The following PTCD3 variants were observed in gnomAD, a reference collection of about 807,000 sequenced individuals.
The protein encoded by PTCD3 is pentatricopeptide repeat domain 3.
PTCD3 carries 89 observed loss-of-function variants against 101.9 expected under a neutral mutation model. The observed-to-expected ratio is 0.87, with a 90% CI of 0.74 to 1.04. PTCD3 has a LOEUF of 1.04. PTCD3 is among the 50% of genes least tolerant of loss of function. The pLI, the probability that PTCD3 is intolerant of heterozygous loss-of-function variation, is 0.00. For synonymous variants in PTCD3, 296 were observed against 278.5 expected, an observed-to-expected ratio of 1.06 and a Z score of -0.63; for missense variants, 870 against 828.2, an observed-to-expected ratio of 1.05 and a Z score of -0.62.
Position 86,124,066 on chromosome 2 carries a change from A to T in PTCD3, c.716+304A>T, listed in dbSNP as rs1449608479. Among the ~76,000 whole-genome samples, 7 of 152,294 alleles carry T rather than the reference A, an allele frequency of 4.6e-5. No individual in the cohort carries two copies. In the South Asian group the frequency reaches 1.5e-3, roughly 32 times the overall value. On this transcript the variant is annotated intron_variant, in intron 9 of 23. Coordinates refer to ENST00000254630, the MANE Select transcript of PTCD3 (RefSeq NM_017952.6). ...AGTTTCATTAACAGTGCTACCTTGG[A>T]ATATATACCTCTAATTCTGAAAGAT...
intron 13 of PTCD3, 100 bp from the exon 14 acceptor site, chr2:86,127,840 TA>T: frequency 1.0e-6 from 1 of 967,022 alleles, no homozygotes; most frequent in East Asian, 2.4e-5. Context: ...GCTTAAATAT[TA>T]ACAATATGTT....
Position 86,111,165 on chromosome 2 carries a change from A to T in PTCD3, c.240+7A>T. The T allele has an allele frequency of 6.2e-7, 1 of 1,611,294 alleles. No individual in the cohort carries two copies. The highest frequency in any genetic ancestry group is 8.5e-7 in the Non-Finnish European group (1 of 1,177,892). ...TGCATCCACAGTAAACAGGGTAAGTAGGATTTTGTGTTTTTTTTTAACCTA... is the reference window on the plus strand; with the variant it reads ...TGCATCCACAGTAAACAGGGTAAGTTGGATTTTGTGTTTTTTTTTAACCTA... On this transcript the variant is annotated splice_region_variant and intron_variant, in intron 4 of 23. Coordinates refer to ENST00000254630, the MANE Select transcript of PTCD3 (RefSeq NM_017952.6).
chr2:86,106,541 G>C (rs946020842), intron 1 of PTCD3, among the ~76,000 whole-genome samples, 190 bp downstream of exon 1: 2 of 152,222 alleles, frequency 1.3e-5, no homozygotes, highest in African/African-American at 2.4e-5. Context: ...TTATTCATTA[G>C]AGAAATACTT....
chr2:86,128,592 C>T (rs901573194), intron 14 of PTCD3, among the ~76,000 whole-genome samples: 1 of 152,156 alleles, frequency 6.6e-6, no homozygotes, highest in African/African-American at 2.4e-5. Flanking sequence ...CAGAACATTT[C>T]CATCTTTGCC....
intron 4 of PTCD3, among the ~76,000 whole-genome samples, chr2:86,115,422 C>T (rs944367668): frequency 1.1e-4 from 17 of 152,160 alleles, no homozygotes; most frequent in African/African-American, 3.6e-4. Context: ...TCAACATTGG[C>T]TTTCCATTAG....
Position 86,127,158 on chromosome 2 carries a change from T to TA in PTCD3, c.952-2dup. On this transcript the variant is annotated splice_region_variant and splice_polypyrimidine_tract_variant and intron_variant, in intron 12 of 23. Coordinates refer to ENST00000254630, the MANE Select transcript of PTCD3 (RefSeq NM_017952.6). ...AGATACTTCTTGTTTTTTATTCACCTAGGAGCTGCTAAGACACATGGTTGC... is the reference window on the plus strand; with the variant it reads ...AGATACTTCTTGTTTTTTATTCACCTAAGGAGCTGCTAAGACACATGGTTGC... The TA allele has an allele frequency of 6.2e-7, 1 of 1,609,476 alleles. No homozygotes were observed.
At chr2:86,108,629 G>A in intron 3 of PTCD3, 93 bp downstream of exon 3, 3 of 1,249,354 alleles carry the variant, frequency 2.4e-6, no homozygotes, top group Non-Finnish European at 3.3e-6. Context: ...GACAGGAAGA[G>A]CAATAGGAGA....
At chr2:86,135,799 C>A in intron 21 of PTCD3, 1 of 439,336 alleles carries the variant, frequency 2.3e-6, no homozygotes. Context: ...AACTATGCTG[C>A]TAGTGACAGA....
intron 3 of PTCD3, chr2:86,108,985 C>G (rs578181734): frequency 6.4e-6 from 1 of 155,634 alleles, no homozygotes; most frequent in South Asian, 2.0e-4. Flanking sequence ...ATTGCCTCAT[C>G]TCATTTATTC....
chr2:86,117,311 C>A (rs758925228), intron 6 of PTCD3, 152 bp downstream of exon 6: 3 of 511,598 alleles, frequency 5.9e-6, no homozygotes, highest in Non-Finnish European at 1.1e-5. Flanking sequence ...GATCACAAGA[C>A]TAACTTTAAA....
At chr2:86,116,655 T>A (rs1051707138) in intron 5 of PTCD3, 57 bp downstream of exon 5, 5 of 1,285,402 alleles carry the variant, frequency 3.9e-6, no homozygotes, top group Middle Eastern at 1.9e-4. Context: ...CGTACAACAG[T>A]ACATAAATAA....
chr2:86,118,374 C>G (rs1004752683), intron 6 of PTCD3, among the ~76,000 whole-genome samples: 11 of 152,188 alleles, frequency 7.2e-5, no homozygotes, highest in African/African-American at 2.7e-4. Context: ...AAGTACTAAT[C>G]TCAGACTCAT....
chr2:86,137,021 G>A lies in PTCD3; in HGVS notation c.1860G>A (p.Val620=), dbSNP rs1197591116. 4 of 1,613,756 alleles carry A rather than the reference G, an allele frequency of 2.5e-6. No individual in the cohort carries two copies. Among genetic ancestry groups the A allele is most frequent in the Middle Eastern group, 1.7e-4 (1 of 5,958 alleles). ...ATGAGCTTATGGACAGTGCAAAAGT[G>A]TCTAACAGCCCTTCCCAGGCCATTG... ...LLNELMDSAK[V]SNSPSQAIEV... Residue 620 remains valine (V), a synonymous_variant, in exon 23 of 24, where the codon GTG becomes GTA. Coordinates refer to ENST00000254630, the MANE Select transcript of PTCD3 (RefSeq NM_017952.6).
rs537889886 is a variant in PTCD3, at chr2:86,106,261, C to G, written c.14C>G (p.Ser5Cys). Residue 5 changes from serine (S) to cysteine (C), a missense_variant, in exon 1 of 24, where the codon TCT (serine) becomes TGT (cysteine). By Grantham distance (112) the Ser-to-Cys change is moderately radical. Coordinates refer to ENST00000254630, the MANE Select transcript of PTCD3 (RefSeq NM_017952.6). MAVV[S>C]AVRWLGLRSR... ...GAGAAATCAAAGATGGCGGTTGTAT[C>G]TGCTGTTCGCTGGCTGGGCCTCCGC... The G allele has an allele frequency of 1.2e-6, 2 of 1,614,094 alleles. No individual in the cohort carries two copies. The highest frequency in any genetic ancestry group is 1.7e-6 in the Non-Finnish European group (2 of 1,180,002).
rs565206733 is a variant in PTCD3 at position 86,135,193 on chromosome 2, C to T, written c.1778+206C>T. ...TAAGGCATAGTTCTCTCAAACCATA[C>T]GCTGAGAATTATCTTTCTACTTTCT... is the stretch of plus-strand genomic sequence containing the variant. On this transcript the variant is annotated intron_variant, in intron 21 of 23. Transcript: ENST00000254630. 3.1e-5 allele frequency: 14 copies of T among 457,970 alleles called. 1 individual carries two copies. In the South Asian group the frequency reaches 5.3e-4, roughly 17 times the overall value. 28.4% of individuals were successfully genotyped at this position (457,970 alleles called of 1,614,324 possible). A position where few individuals can be genotyped will look rare whatever the true frequency, so the allele number is the denominator to read the frequency against.
At chr2:86,120,176 C>G (rs1180612801) in intron 7 of PTCD3, among the ~76,000 whole-genome samples, 2 of 152,120 alleles carry the variant, frequency 1.3e-5, no homozygotes, top group Admixed American at 6.5e-5. Flanking sequence ...TGATCGGCAT[C>G]TGGTGTGAGT....
intron 4 of PTCD3, among the ~76,000 whole-genome samples, chr2:86,114,446 C>T (rs961612718): frequency 3.3e-5 from 5 of 152,146 alleles, no homozygotes; most frequent in African/African-American, 9.7e-5. Context: ...CCCACCCCCA[C>T]GCCCGGCTAA....
At chr2:86,124,553 A>G (rs1243288940) in intron 9 of PTCD3, among the ~76,000 whole-genome samples, 2 of 152,112 alleles carry the variant, frequency 1.3e-5, no homozygotes, top group Non-Finnish European at 2.9e-5. Flanking sequence ...TAAACCCAGG[A>G]GGTGGAGGTT....
chr2:86,127,237 G>A lies in PTCD3; in HGVS notation c.1028G>A (p.Arg343Gln), dbSNP rs150201086. ...QTFNTILKCL[R>Q]RFHVFARSPA... ...TTTAATACCATTCTGAAATGTCTCC[G>A]AAGATTTCATGTGTTTGCAAGATCG... is the stretch of plus-strand genomic sequence containing the variant. The change falls in exon 13 of 24, where the codon CGA (arginine) becomes CAA (glutamine). Residue 343 changes from arginine to glutamine, a missense_variant. By Grantham distance (43) the Arg-to-Gln change is conservative. Coordinates refer to ENST00000254630, the MANE Select transcript of PTCD3 (RefSeq NM_017952.6). 36 of 1,613,774 alleles carry A rather than the reference G, an allele frequency of 2.2e-5. No individual in the cohort carries two copies. The highest frequency in any genetic ancestry group is 1.6e-4 in the Middle Eastern group (1 of 6,074).
Sources: allele counts gnomAD v4.1 joint callset (sites outside exome capture counted in the v4.1 genomes callset), GRCh38; gene constraint gnomAD v4.1.1; transcripts MANE v1.5; gene names NCBI Gene and HGNC (gene_info 2026-07-23, HGNC 2026-07-21).